Variants in ARSG observed in about 807,000 individuals in gnomAD.
The protein encoded by ARSG is ASG.
A neutral mutation model predicts 50.5 loss-of-function variants in ARSG; 37 were observed. That is an observed-to-expected ratio of 0.73 (90% confidence interval 0.56 to 0.96). The LOEUF is 0.96. Among genes scored for constraint, ARSG ranks in the 50% least tolerant of loss-of-function variants. The pLI, the probability that ARSG is intolerant of heterozygous loss-of-function variation, is 0.00. For missense variants in ARSG, 629 were observed against 675.3 expected, an observed-to-expected ratio of 0.93 and a Z score of 0.76; for synonymous variants, 225 against 254.6, an observed-to-expected ratio of 0.88 and a Z score of 1.11.
chr17:68,382,009 G>T (rs2080457427), intron 8 of ARSG, among the ~76,000 whole-genome samples: 1 of 150,090 alleles, frequency 6.7e-6, no homozygotes, highest in Non-Finnish European at 1.5e-5. Context: ...GGAGTGAAGT[G>T]GCTCAATTTT....
chr17:68,391,700 G>T (rs1600060138), intron 9 of ARSG, among the ~76,000 whole-genome samples: 1 of 152,256 alleles, frequency 6.6e-6, no homozygotes, highest in Non-Finnish European at 1.5e-5. Flanking sequence ...ACTGCTTTGT[G>T]GTCCTCTTTG....
intron 1 of ARSG, among the ~76,000 whole-genome samples, chr17:68,301,759 G>A (rs2076426009): frequency 6.6e-6 from 1 of 151,988 alleles, no homozygotes; most frequent in South Asian, 2.1e-4. Context: ...TTTCTCCATT[G>A]CTTCTGCAGT....
intron 2 of ARSG, among the ~76,000 whole-genome samples, chr17:68,308,144 AAAT>A (rs2076681309): frequency 6.6e-6 from 1 of 152,060 alleles, no homozygotes; most frequent in South Asian, 2.1e-4. Context: ...CTTCTACAAA[AAAT>A]AAAAGCAAAT....
the ARSG span, among the ~76,000 whole-genome samples, chr17:68,433,125 C>T: frequency 6.6e-6 from 1 of 152,232 alleles, no homozygotes; most frequent in Admixed American, 6.5e-5. Context: ...GTGCCAGGCA[C>T]GATGCTGAAC....
the ARSG span, chr17:68,435,561 C>G: frequency 1.3e-6 from 2 of 1,532,978 alleles, no homozygotes; most frequent in Non-Finnish European, 9.0e-7. Context: ...CCCATCCCTG[C>G]GCACGGCAGG....
rs543960437 is a variant in ARSG at position 68,275,955 on chromosome 17, C to A, written c.-552+16529C>A. On this transcript the variant is annotated intron_variant, in intron 1 of 11. Coordinates refer to the ARSG transcript ENST00000448504. ...CTGAGACCGCACCACTGCACTCCAGCCTAGGCAACAAAGCGAGACTCCGTC... is the reference window on the plus strand; with the variant it reads ...CTGAGACCGCACCACTGCACTCCAGACTAGGCAACAAAGCGAGACTCCGTC... 2.6e-5 allele frequency among the ~76,000 whole-genome samples: 4 copies of A among 150,996 alleles called. No homozygotes were observed. The South Asian group carries it at 8.4e-4, about 32-fold the overall frequency.
chr17:68,316,232 C>G (rs1401491476), intron 2 of ARSG, among the ~76,000 whole-genome samples: 11 of 152,210 alleles, frequency 7.2e-5, no homozygotes, highest in Non-Finnish European at 1.5e-4. Context: ...CACTCAAATA[C>G]CATGTCCTCA....
intron 8 of ARSG, among the ~76,000 whole-genome samples, chr17:68,382,007 G>A (rs566344640): frequency 4.3e-4 from 65 of 150,386 alleles, no homozygotes; most frequent in African/African-American, 1.6e-3. Flanking sequence ...CTGGAGTGAA[G>A]TGGCTCAATT....
chr17:68,318,308 G>A (rs944201645), intron 2 of ARSG, among the ~76,000 whole-genome samples: 1 of 152,178 alleles, frequency 6.6e-6, no homozygotes, highest in Non-Finnish European at 1.5e-5. Flanking sequence ...CACTAGTTTG[G>A]TTCTTGCTGG....
At chr17:68,428,828 C>A in the ARSG span, 2 of 1,611,024 alleles carry the variant, frequency 1.2e-6, no homozygotes, top group Admixed American at 3.3e-5. Flanking sequence ...AGTCTCTTCA[C>A]CTGTGGGTTT....
intron 1 of ARSG, among the ~76,000 whole-genome samples, chr17:68,274,781 T>C (rs1365801250): frequency 8.2e-5 from 2 of 24,274 alleles, no homozygotes; most frequent in African/African-American, 2.8e-4. Flanking sequence ...AGTTAGTTTC[T>C]TTCTTTTTTT....
intron 2 of ARSG, among the ~76,000 whole-genome samples, chr17:68,314,046 C>T (rs1458257157): frequency 1.3e-5 from 2 of 152,018 alleles, no homozygotes; most frequent in South Asian, 2.1e-4. Flanking sequence ...CAGTATCTGT[C>T]GCATTAAAGA....
chr17:68,319,182 C>T (rs1156628409), intron 2 of ARSG, among the ~76,000 whole-genome samples: 1 of 152,156 alleles, frequency 6.6e-6, no homozygotes. Flanking sequence ...TCCTTTTCAG[C>T]TGTATTCCTA....
At chr17:68,374,412 G>A (rs1241108733) in intron 8 of ARSG, among the ~76,000 whole-genome samples, 3 of 152,144 alleles carry the variant, frequency 2.0e-5, no homozygotes, top group South Asian at 2.1e-4. Flanking sequence ...TGGCTTCTCC[G>A]TGGGGAGAAG....
chr17:68,380,192 T>G (rs1297241919), intron 8 of ARSG, among the ~76,000 whole-genome samples: 1 of 152,054 alleles, frequency 6.6e-6, no homozygotes, highest in Admixed American at 6.6e-5. Flanking sequence ...CCTTCCTTCC[T>G]TCCTTCTACC....
chr17:68,451,492 T>A, the ARSG span, among the ~76,000 whole-genome samples: 1 of 152,344 alleles, frequency 6.6e-6, no homozygotes, highest in Admixed American at 6.5e-5. Context: ...GGCAGACAGC[T>A]GCCTCTGATG....
chr17:68,376,530 A>G (rs2080160060), intron 8 of ARSG, among the ~76,000 whole-genome samples: 1 of 151,480 alleles, frequency 6.6e-6, no homozygotes, highest in African/African-American at 2.4e-5. Context: ...GGCTCAAGCA[A>G]TCTTCCCACC....
chr17:68,385,252 A>T lies in ARSG; in HGVS notation c.1091+80A>T, dbSNP rs575269324. 3.9e-6 allele frequency: 5 copies of T among 1,284,736 alleles called. No individual in the cohort carries two copies. The Admixed American group carries it at 7.2e-5, about 18-fold the overall frequency. 79.6% of individuals were successfully genotyped at this position (1,284,736 alleles called of 1,614,324 possible). A position where few individuals can be genotyped will look rare whatever the true frequency, so the allele number is the denominator to read the frequency against. ...GAGGCATGGGTGGCTAGATGGAGGCATGGGTGGCTAGATGGAGGCATGGGT... is the reference window on the plus strand; with the variant it reads ...GAGGCATGGGTGGCTAGATGGAGGCTTGGGTGGCTAGATGGAGGCATGGGT... On this transcript the variant is annotated intron_variant, in intron 9 of 11. Coordinates refer to ENST00000621439, the MANE Select transcript of ARSG (RefSeq NM_001267727.2).
chr17:68,311,253 G>A (rs541017912), intron 2 of ARSG, among the ~76,000 whole-genome samples: 1 of 152,278 alleles, frequency 6.6e-6, no homozygotes, highest in South Asian at 2.1e-4. Context: ...TCATCTGTGT[G>A]ATGGGTTCAT....
Sources: gnomAD v4.1 joint callset for allele counts (sites outside exome capture counted in the v4.1 genomes callset) on GRCh38, gnomAD v4.1.1 for gene constraint, MANE v1.5 for transcripts, NCBI Gene and HGNC (gene_info 2026-07-23, HGNC 2026-07-21) for gene names.